NAV1: variants seen among roughly 807,000 people sequenced by gnomAD.
NAV1 encodes neuron navigator 1, also known as pore membrane and/or filament interacting like protein 3.
Under a neutral mutation model 175.2 loss-of-function variants are expected in NAV1, and 18 were observed. That is an observed-to-expected ratio of 0.10 (90% CI 0.07 to 0.15). The LOEUF is 0.15. Among genes scored for constraint, NAV1 ranks in the 10% least tolerant of loss-of-function variants. The pLI, the probability that NAV1 is intolerant of heterozygous loss-of-function variation, is 1.00. For missense variants in NAV1, 1,731 were observed against 2,436.6 expected (o/e 0.71, Z 6.10); for synonymous variants, 897 against 978.7 (o/e 0.92, Z 1.56).
rs151042156 is a variant in NAV1, at chr1:201,787,226, C to T, written c.2995+649C>T. 1.5e-4 allele frequency among the ~76,000 whole-genome samples: 23 copies of T among 152,320 alleles called. No homozygotes were observed. The highest frequency in any genetic ancestry group is 1.2e-3 in the South Asian group (6 of 4,830). ...GCCTAGCACAGAAGCACACCAGCTC[C>T]GGTTCTGTGAAGCAGTACGCCATGA... On this transcript the variant is annotated intron_variant, in intron 9 of 29. Coordinates refer to ENST00000367296, the Ensembl canonical transcript of NAV1. This position sits in a 1 kb window ranked among gnomAD's most constrained non-coding sequence, Gnocchi z 4.3.
intron 2 of NAV1, among the ~76,000 whole-genome samples, chr1:201,606,344 G>GACCT (rs1327643533): frequency 1.3e-5 from 2 of 152,184 alleles, no homozygotes; most frequent in African/African-American, 2.4e-5. Context: ...GTGCATGGAA[G>GACCT]ACCTGTCCCC....
At chr1:201,606,301 T>C (rs1667674342) in intron 2 of NAV1, among the ~76,000 whole-genome samples, 1 of 152,218 alleles carries the variant, frequency 6.6e-6, no homozygotes, top group Non-Finnish European at 1.5e-5. Flanking sequence ...AACAGGGGGC[T>C]ACCTGGTCTG....
chr1:201,541,947 A>G (rs1350671535), intron 1 of NAV1, among the ~76,000 whole-genome samples: 1 of 152,096 alleles, frequency 6.6e-6, no homozygotes, highest in East Asian at 1.9e-4. Flanking sequence ...CCTATTTCCA[A>G]TCAGTGTCAC....
Position 201,694,492 on chromosome 1 carries a change from T to G in NAV1, c.758-18325T>G, listed in dbSNP as rs1671103352. On this transcript the variant is annotated intron_variant, in intron 1 of 29. Transcript: ENST00000367296. This position sits in a 1 kb window ranked among gnomAD's most constrained non-coding sequence, Gnocchi z 4.2. ...CACCAGCTGCTGGGGCTTCTTGCCC[T>G]GAGTTAGGCTGGGGATCATTTGCAG... Among the ~76,000 whole-genome samples, 1 of 152,096 alleles carries G rather than the reference T, an allele frequency of 6.6e-6. No individual in the cohort carries two copies. Among genetic ancestry groups the G allele is most frequent in the Admixed American group, 6.5e-5 (1 of 15,280 alleles).
chr1:201,740,606 C>T lies in NAV1; in HGVS notation c.1226+21851C>T, dbSNP rs984913973. On this transcript the variant is annotated intron_variant, in intron 3 of 29. Transcript: ENST00000367296. This position sits in a 1 kb window ranked among gnomAD's most constrained non-coding sequence, Gnocchi z 4.7. ...GGTGGTGGGAGGCGGAAGGATGAAA[C>T]GGGGGAGGGAGGGGACGTTGAATTT... 6.6e-6 allele frequency among the ~76,000 whole-genome samples: 1 copy of T among 151,838 alleles called. No homozygotes were observed. Among genetic ancestry groups the T allele is most frequent in the Non-Finnish European group, 1.5e-5 (1 of 67,960 alleles).
At position 201,813,828 on chromosome 1, in the gene NAV1, C is replaced by T. The variant is rs1348669257; in HGVS notation, c.5340+570C>T. Among the ~76,000 whole-genome samples, 5 of 152,150 alleles carry T rather than the reference C, an allele frequency of 3.3e-5. No homozygotes were observed. Among genetic ancestry groups the T allele is most frequent in the Non-Finnish European group, 7.4e-5 (5 of 68,024 alleles). ...ATCCCAGCACTGTGGGAGGCCGAGG[C>T]GGGCAGATCACCAGGTCAGGAGATC... On this transcript the variant is annotated intron_variant, in intron 28 of 29. Transcript: ENST00000367296. This position sits in a 1 kb window ranked among gnomAD's most constrained non-coding sequence, Gnocchi z 4.2.
At chr1:201,747,560 AG>A (rs1478495058) in intron 3 of NAV1, among the ~76,000 whole-genome samples, 1 of 152,178 alleles carries the variant, frequency 6.6e-6, no homozygotes, top group Non-Finnish European at 1.5e-5. Context: ...AGGGTGTTCC[AG>A]GGTACACATC....
chr1:201,658,499 A>G (rs1669490777), intron 1 of NAV1, among the ~76,000 whole-genome samples: 1 of 152,002 alleles, frequency 6.6e-6, no homozygotes, highest in Non-Finnish European at 1.5e-5. Flanking sequence ...GGGAGGAGGA[A>G]CTGTGGGCTT....
At chr1:201,809,070 C>A in intron 20 of NAV1, 94 bp from the exon 25 acceptor site, 2 of 1,376,602 alleles carry the variant, frequency 1.5e-6, no homozygotes, top group South Asian at 1.2e-5. Flanking sequence ...TTCTCTGTGG[C>A]AAACAGAGTT....
intron 3 of NAV1, among the ~76,000 whole-genome samples, chr1:201,753,009 G>T (rs574105395): frequency 6.6e-6 from 1 of 152,060 alleles, no homozygotes; most frequent in African/African-American, 2.4e-5. Context: ...GTTTTGGGGG[G>T]AACGAGGGGC....
chr1:201,786,371 C>T (rs1319081876), intron 8 of NAV1, 58 bp from the exon 13 acceptor site: 1 of 1,558,048 alleles, frequency 6.4e-7, no homozygotes, highest in African/African-American at 1.4e-5. Context: ...TCCGCACCAA[C>T]TAAACCTCTG....
chr1:201,729,992 G>T (rs1401218285), intron 3 of NAV1, among the ~76,000 whole-genome samples: 2 of 152,138 alleles, frequency 1.3e-5, no homozygotes, highest in Admixed American at 1.3e-4. Context: ...GTTACTCCTA[G>T]AAAACCAAAG....
chr1:201,787,921 G>A lies in NAV1; in HGVS notation c.2996-547G>A, dbSNP rs572747296. ...GGGCCATGTTTCTTGATGCTTTAGC[G>A]CCAACCCAGTCACTCAGAGTGACAC... On this transcript the variant is annotated intron_variant, in intron 9 of 29. Coordinates refer to ENST00000367296, the Ensembl canonical transcript of NAV1. The surrounding 1 kb of genome is among the most constrained non-coding windows in gnomAD (Gnocchi z 4.3). Among the ~76,000 whole-genome samples the A allele has an allele frequency of 7.2e-5, 11 of 152,282 alleles. No homozygotes were observed. In the South Asian group the frequency reaches 1.2e-3, roughly 17 times the overall value.
chr1:201,783,317 A>AC (rs1379724960), intron 6 of NAV1, 89 bp from the exon 11 acceptor site: 44 of 1,321,924 alleles, frequency 3.3e-5, no homozygotes, highest in Non-Finnish European at 4.4e-5. Context: ...TAGGCAGAAA[A>AC]CAAGACTGGA....
At chr1:201,720,320 C>T (rs1672328535) in intron 3 of NAV1, among the ~76,000 whole-genome samples, 1 of 152,174 alleles carries the variant, frequency 6.6e-6, no homozygotes, top group Non-Finnish European at 1.5e-5. Context: ...TTAGAAAGTC[C>T]CCCATGTGTT....
chr1:201,809,221 G>C, exon 21 of NAV1: 1 of 1,613,942 alleles, frequency 6.2e-7, no homozygotes, highest in Non-Finnish European at 8.5e-7. Flanking sequence ...GTGACCCTCC[G>C]GGTGGTGGTG....
In NAV1 at chr1:201,808,105, C is replaced by T; in HGVS notation, c.3801C>T (p.Ser1267=). ...GTTCTACAGAGACTGCTTCACCCTC[C>T]ATCAAGTCCTCCACCTCGTCCTCCG... is the stretch of plus-strand genomic sequence containing the variant. Residue 1267 remains serine (S), a synonymous_variant, in exon 18 of 30, where the codon TCC becomes TCT. Transcript: ENST00000367296. The surrounding 1 kb of genome is among the most constrained non-coding windows in gnomAD (Gnocchi z 5.5). The T allele has an allele frequency of 6.2e-7, 1 of 1,614,240 alleles. No individual in the cohort carries two copies. Among genetic ancestry groups the T allele is most frequent in the Non-Finnish European group, 8.5e-7 (1 of 1,180,048 alleles).
chr1:201,749,550 A>C (rs1472137842), intron 3 of NAV1, among the ~76,000 whole-genome samples: 2 of 152,224 alleles, frequency 1.3e-5, no homozygotes, highest in Non-Finnish European at 2.9e-5. Context: ...AATCAAGTTG[A>C]ATGCTTTCCT....
chr1:201,730,047 G>A (rs1571911625), intron 3 of NAV1, among the ~76,000 whole-genome samples: 1 of 152,210 alleles, frequency 6.6e-6, no homozygotes, highest in East Asian at 1.9e-4. Flanking sequence ...CCTGGGTGGT[G>A]ATGTCCAGTT....
Sources: gnomAD v4.1 joint callset for allele counts (sites outside exome capture counted in the v4.1 genomes callset) on GRCh38, gnomAD v4.1.1 for gene constraint, Gnocchi (gnomAD v3.1) non-coding constraint, MANE v1.5 for transcripts, NCBI Gene and HGNC (gene_info 2026-07-23, HGNC 2026-07-21) for gene names.